The following COPG2 variants were observed in gnomAD, a reference collection of about 807,000 sequenced individuals.
COPG2 encodes coatomer subunit gamma-2.
In COPG2, 37 loss-of-function variants were observed where a neutral mutation model predicts 46.3. That is an observed-to-expected ratio of 0.80 (90% CI 0.61 to 1.05). COPG2 has a LOEUF of 1.05. COPG2 is among the 50% of genes least tolerant of loss of function. The probability of loss-of-function intolerance (pLI) is 0.00; values close to 1 mark genes in which losing one functional copy is unlikely to be tolerated. For synonymous variants in COPG2, 159 were observed against 129.7 expected (o/e 1.23, Z -1.53); for missense variants, 427 against 387.8 (o/e 1.10, Z -0.85).
At chr7:130,642,275 C>G (rs1212809276) in intron 5 of COPG2, among the ~76,000 whole-genome samples, 1 of 150,644 alleles carries the variant, frequency 6.6e-6, no homozygotes, top group African/African-American at 2.4e-5. Flanking sequence ...GTAATTTATA[C>G]AATAAAATGG....
In COPG2 at chr7:130,638,596, C is replaced by G. The variant is rs113140696; in HGVS notation, c.323+14273G>C. ...TCCCCCCACACCAAGCTCAAGTATCCCAGGTCAACTTCAGACTGCTGTGCT... is the reference window on the plus strand; with the variant it reads ...TCCCCCCACACCAAGCTCAAGTATCGCAGGTCAACTTCAGACTGCTGTGCT... On this transcript the variant is annotated intron_variant, in intron 5 of 23. Transcript: ENST00000425248. Among the ~76,000 whole-genome samples the G allele has an allele frequency of 5.2e-3, 786 of 152,206 alleles. 10 individuals carry two copies. Among genetic ancestry groups the G allele is most frequent in the African/African-American group, 0.018 (743 of 41,536 alleles).
chr7:130,615,404 G>C (rs1238451596), intron 6 of COPG2, among the ~76,000 whole-genome samples: 2 of 152,166 alleles, frequency 1.3e-5, no homozygotes, highest in African/African-American at 2.4e-5. Context: ...TATAATAGGA[G>C]CTCAGTAATT....
At chr7:130,518,190 T>C (rs910832685) in intron 20 of COPG2, among the ~76,000 whole-genome samples, 58 of 152,304 alleles carry the variant, frequency 3.8e-4, no homozygotes, top group African/African-American at 1.3e-3. Context: ...GTAAATGATT[T>C]TGGGGAGTGA....
chr7:130,552,763 A>G (rs967136290), intron 14 of COPG2, among the ~76,000 whole-genome samples: 1 of 152,206 alleles, frequency 6.6e-6, no homozygotes, highest in Admixed American at 6.5e-5. Context: ...AGCCCCAAGC[A>G]TAAAAAGAAA....
chr7:130,543,290 A>G lies in COPG2; in HGVS notation c.2149+4384T>C, dbSNP rs994137388. ...AATTAAGGGGACAGTATACAGTTTA[A>G]ACCACTTTGGGATTTAGGAATGTCA... On this transcript the variant is annotated intron_variant, in intron 20 of 23. Coordinates refer to ENST00000425248, the MANE Select transcript of COPG2 (RefSeq NM_012133.6). Among the ~76,000 whole-genome samples the G allele has an allele frequency of 3.7e-4, 56 of 152,346 alleles. 1 individual carries two copies. In the East Asian group the frequency reaches 0.011, roughly 29 times the overall value.
intron 5 of COPG2, among the ~76,000 whole-genome samples, chr7:130,623,030 G>A (rs2116526410): frequency 6.6e-6 from 1 of 152,272 alleles, no homozygotes; most frequent in South Asian, 2.1e-4. Flanking sequence ...ACCTAACAGT[G>A]ATCATCATTC....
chr7:130,633,553 C>T (rs553905485), intron 5 of COPG2, among the ~76,000 whole-genome samples: 2 of 152,256 alleles, frequency 1.3e-5, no homozygotes, highest in South Asian at 2.1e-4. Context: ...TCATATCCTT[C>T]ACCCACTTTT....
intron 17 of COPG2, 103 bp downstream of exon 17, chr7:130,550,411 CAAAAAAAAAA>C (rs1158918044): frequency 9.9e-6 from 1 of 101,102 alleles, no homozygotes; most frequent in Non-Finnish European, 1.6e-5. Context: ...GACTCTATCT[CAAAAAAAAAA>C]AAAAAAAAAA....
At chr7:130,594,336 T>A (rs1794485261) in intron 9 of COPG2, among the ~76,000 whole-genome samples, 1 of 152,120 alleles carries the variant, frequency 6.6e-6, no homozygotes, top group Admixed American at 6.6e-5. Flanking sequence ...TGAATCTCTA[T>A]CCCACAGCAT....
chr7:130,557,465 C>T (rs1239507972), intron 12 of COPG2, among the ~76,000 whole-genome samples: 1 of 152,090 alleles, frequency 6.6e-6, no homozygotes, highest in African/African-American at 2.4e-5. Context: ...AAAATGTCAA[C>T]AGGGTTTTTT....
intron 20 of COPG2, among the ~76,000 whole-genome samples, chr7:130,544,475 A>G (rs1051319328): frequency 6.6e-6 from 1 of 152,214 alleles, no homozygotes; most frequent in Non-Finnish European, 1.5e-5. Context: ...AATATTTTCT[A>G]TTAAAGACTG....
chr7:130,509,879 TATA>T (rs1563032641), intron 20 of COPG2: 1 of 487,834 alleles, frequency 2.0e-6, no homozygotes, highest in Admixed American at 2.2e-5. Context: ...TGTGAAACGA[TATA>T]ATAGTTTAAC....
intron 5 of COPG2, among the ~76,000 whole-genome samples, chr7:130,647,403 C>G (rs536429616): frequency 6.6e-6 from 1 of 152,228 alleles, no homozygotes; most frequent in South Asian, 2.1e-4. Flanking sequence ...TTTTTCATAA[C>G]ACACATTTCC....
At chr7:130,539,283 A>C (rs1173144603) in intron 20 of COPG2, among the ~76,000 whole-genome samples, 3 of 152,164 alleles carry the variant, frequency 2.0e-5, no homozygotes, top group Admixed American at 2.0e-4. Flanking sequence ...AAGGAGGAAG[A>C]GGAGGAAGTG....
chr7:130,595,122 T>C (rs1371307556), intron 9 of COPG2, among the ~76,000 whole-genome samples: 1 of 152,156 alleles, frequency 6.6e-6, no homozygotes, highest in Non-Finnish European at 1.5e-5. Flanking sequence ...CAAATGTCCA[T>C]CAACAGATGA....
chr7:130,532,563 G>T (rs1014343871), intron 20 of COPG2, among the ~76,000 whole-genome samples: 11 of 152,108 alleles, frequency 7.2e-5, no homozygotes, highest in Non-Finnish European at 1.6e-4. Context: ...GTGTGGATGT[G>T]AGGAGGAGGG....
In COPG2 at chr7:130,524,059, G is replaced by GC. The variant is rs1297904777; in HGVS notation, c.2150-15401dup. On this transcript the variant is annotated intron_variant, in intron 20 of 23. Coordinates refer to ENST00000425248, the MANE Select transcript of COPG2 (RefSeq NM_012133.6). ...GGAAGAAGGTAGGAAATTCACAGGC[G>GC]CATGTTCCCCAGAGTGTTTTCACAA... Among the ~76,000 whole-genome samples the GC allele has an allele frequency of 1.1e-4, 16 of 152,196 alleles. No homozygotes were observed. The East Asian group carries it at 3.1e-3, about 29-fold the overall frequency.
chr7:130,531,789 G>A (rs1012624794), intron 20 of COPG2, among the ~76,000 whole-genome samples: 44 of 150,088 alleles, frequency 2.9e-4, no homozygotes, highest in Admixed American at 2.3e-3. Context: ...AACCAAGGTG[G>A]TCGCAGGGAG....
rs2116381235 is a variant in COPG2, at chr7:130,547,718, A to G, written c.2105T>C (p.Ile702Thr). Residue 702 changes from isoleucine (I) to threonine (T), a missense_variant, in exon 20 of 24, where the codon ATA becomes ACA. Coordinates refer to ENST00000425248, the MANE Select transcript of COPG2 (RefSeq NM_012133.6). ...APSLPYNQPGICYTLVRLPDD... is the reference protein window; with the variant it reads ...APSLPYNQPGTCYTLVRLPDD... The stretch of plus-strand genomic sequence containing the variant: ...AGGCAAACGAACAAGAGTGTAACAT[A>G]TTCCTGGTTGGTTATAAGGAAGGCT... The G allele has an allele frequency of 5.0e-6, 2 of 398,630 alleles. No homozygotes were observed. Among genetic ancestry groups the G allele is most frequent in the East Asian group, 7.1e-5 (2 of 28,078 alleles). 24.7% of individuals were successfully genotyped at this position (398,630 alleles called of 1,614,324 possible).
Sources: allele counts gnomAD v4.1 joint callset (sites outside exome capture counted in the v4.1 genomes callset), GRCh38; gene constraint gnomAD v4.1.1; transcripts MANE v1.5; gene names NCBI Gene and HGNC (gene_info 2026-07-23, HGNC 2026-07-21).